The following TTC17 variants were observed in gnomAD, a reference collection of about 807,000 sequenced individuals.
The protein encoded by TTC17 is tetratricopeptide repeat protein 17.
Under a neutral mutation model 143.8 loss-of-function variants are expected in TTC17, and 58 were observed. That is an observed-to-expected ratio of 0.40 (90% confidence interval 0.33 to 0.50). The LOEUF (loss-of-function observed/expected upper bound fraction) is 0.50. TTC17 is among the 20% of genes least tolerant of loss of function. The pLI, the probability that TTC17 is intolerant of heterozygous loss-of-function variation, is 0.49. For missense variants in TTC17, 1,273 were observed against 1,392.5 expected (o/e 0.91, Z 1.37); for synonymous variants, 501 against 497.8 (o/e 1.01, Z -0.09).
In TTC17 at chr11:43,399,938, A is replaced by T; in HGVS notation, c.1109A>T (p.Asp370Val). 5 of 1,614,002 alleles carry T rather than the reference A, an allele frequency of 3.1e-6. No homozygotes were observed. The highest frequency in any genetic ancestry group is 4.2e-6 in the Non-Finnish European group (5 of 1,179,926). The change falls in exon 9 of 24, where the codon GAC becomes GTC. Residue 370 changes from aspartate to valine, a missense_variant. By Grantham distance (152) the Asp-to-Val change is radical (BLOSUM62 -3). Coordinates refer to ENST00000039989, the MANE Select transcript of TTC17 (RefSeq NM_018259.6). ...TTAAAAGAGTATCAAAAGCAGCATG[A>T]CCACTACCTGAGACAGCAGGAAATC... ...NELKEYQKQH[D>V]HYLRQQEILE...
Position 43,397,321 on chromosome 11 carries a change from C to T in TTC17, c.774-26C>T, listed in dbSNP as rs150004257. On this transcript the variant is annotated intron_variant, in intron 6 of 23. Coordinates refer to ENST00000039989, the MANE Select transcript of TTC17 (RefSeq NM_018259.6). ...TCCTTGTCAAGTGGTTCTACATAAT[C>T]ATGGAATATGTGCTGCTTTCCTTAG... The T allele has an allele frequency of 2.0e-4, 314 of 1,589,804 alleles. No individual in the cohort carries two copies. In the East Asian group the frequency reaches 6.9e-3, roughly 35 times the overall value.
At chr11:43,386,535 T>C (rs1258075077) in intron 2 of TTC17, among the ~76,000 whole-genome samples, 1 of 152,210 alleles carries the variant, frequency 6.6e-6, no homozygotes, top group African/African-American at 2.4e-5. Context: ...CTGTAGTTGA[T>C]TGATGTAATT....
rs199545150 is a variant in TTC17 at position 43,378,999 on chromosome 11, T to C, written c.160-234T>C. 2.4e-4 allele frequency: 114 copies of C among 472,254 alleles called. 1 individual carries two copies. The East Asian group carries it at 4.8e-3, about 20-fold the overall frequency. 29.3% of individuals were successfully genotyped at this position (472,254 alleles called of 1,614,324 possible). On this transcript the variant is annotated intron_variant, in intron 1 of 23. Coordinates refer to ENST00000039989, the MANE Select transcript of TTC17 (RefSeq NM_018259.6). Reference sequence around the variant, plus strand: ...TTATATCACCTGTAAAGTCAGAATATGTACTTTGAATGCTTGTTCTTCCAA... The same window carrying C: ...TTATATCACCTGTAAAGTCAGAATACGTACTTTGAATGCTTGTTCTTCCAA...
chr11:43,369,640 A>G (rs1347542605), intron 1 of TTC17, among the ~76,000 whole-genome samples: 1 of 150,004 alleles, frequency 6.7e-6, no homozygotes, highest in Non-Finnish European at 1.5e-5. Flanking sequence ...TTTTTGAAAC[A>G]GAGTCTTGCT....
chr11:43,362,850 A>C (rs1049664286), intron 1 of TTC17, among the ~76,000 whole-genome samples: 4 of 152,142 alleles, frequency 2.6e-5, no homozygotes, highest in Non-Finnish European at 4.4e-5. Context: ...TGAATTCCCA[A>C]ATATGGTCCA....
chr11:43,466,100 T>C (rs1359859309), intron 21 of TTC17, among the ~76,000 whole-genome samples: 1 of 152,074 alleles, frequency 6.6e-6, no homozygotes, highest in Admixed American at 6.5e-5. Flanking sequence ...AATAACCCAA[T>C]TAAAAAATAT....
intron 13 of TTC17, 115 bp downstream of exon 13, chr11:43,406,066 T>C: frequency 8.1e-7 from 1 of 1,241,076 alleles, no homozygotes; most frequent in East Asian, 2.5e-5. Context: ...GTGTATAAAA[T>C]GGAAGGATAG....
At chr11:43,492,264 G>T in intron 23 of TTC17, 101 bp downstream of exon 23, 1 of 1,441,462 alleles carries the variant, frequency 6.9e-7, no homozygotes, top group South Asian at 1.5e-5. Flanking sequence ...CCAATTTCCT[G>T]TAAGCTTGTC....
At chr11:43,426,714 C>A (rs1385323011) in intron 16 of TTC17, among the ~76,000 whole-genome samples, 1 of 152,154 alleles carries the variant, frequency 6.6e-6, no homozygotes, top group African/African-American at 2.4e-5. Flanking sequence ...AAATCTTGAT[C>A]AATTATGGAA....
chr11:43,453,695 T>G lies in TTC17; in HGVS notation c.3030+2430T>G, dbSNP rs191721826. Among the ~76,000 whole-genome samples the G allele has an allele frequency of 2.4e-3, 366 of 152,286 alleles. 2 individuals carry two copies. The highest frequency in any genetic ancestry group is 6.8e-3 in the Middle Eastern group (2 of 294). On this transcript the variant is annotated intron_variant, in intron 21 of 23. Coordinates refer to ENST00000039989, the MANE Select transcript of TTC17 (RefSeq NM_018259.6). ...ATATATTTGTCTATAGAGCCAAGAC[T>G]GAATAATGGCTCTAAGAGAGGCAAG...
At chr11:43,468,464 A>G (rs1948024417) in intron 21 of TTC17, 1 of 152,196 alleles carries the variant, frequency 6.6e-6, no homozygotes, top group Non-Finnish European at 1.5e-5. Flanking sequence ...AAAAACCCAT[A>G]CCTCACATCA....
chr11:43,406,369 G>T (rs575041438), intron 13 of TTC17, among the ~76,000 whole-genome samples: 7 of 152,168 alleles, frequency 4.6e-5, no homozygotes, highest in African/African-American at 1.4e-4. Flanking sequence ...CTTATATGAG[G>T]TCCATAGGAA....
intron 13 of TTC17, 57 bp downstream of exon 13, chr11:43,406,008 C>T: frequency 1.9e-6 from 3 of 1,542,946 alleles, no homozygotes; most frequent in Admixed American, 2.2e-5. Flanking sequence ...CTTCAGAAGC[C>T]TCTTAAATGG....
chr11:43,371,856 A>G (rs1287222001), intron 1 of TTC17, among the ~76,000 whole-genome samples: 1 of 152,214 alleles, frequency 6.6e-6, no homozygotes, highest in Non-Finnish European at 1.5e-5. Flanking sequence ...GGAAGACCAA[A>G]TATATATTTT....
At chr11:43,390,563 CCAAGA>C (rs1857341240) in intron 3 of TTC17, among the ~76,000 whole-genome samples, 1 of 141,202 alleles carries the variant, frequency 7.1e-6, no homozygotes, top group Non-Finnish European at 1.6e-5. Context: ...TTGCAGTGAG[CCAAGA>C]TGGCACCACT....
Position 43,393,230 on chromosome 11 carries a change from G to A in TTC17, c.663+1278G>A, listed in dbSNP as rs550698186. ...AGGACTCAGTCCCACAAGGCTACCT[G>A]CACTTCAGATGCCAGTCGCAAGTCA... On this transcript the variant is annotated intron_variant, in intron 5 of 23. Coordinates refer to ENST00000039989, the MANE Select transcript of TTC17 (RefSeq NM_018259.6). 4.7e-4 allele frequency among the ~76,000 whole-genome samples: 72 copies of A among 152,274 alleles called. 2 individuals carry two copies. In the South Asian group the frequency reaches 6.4e-3, roughly 14 times the overall value.
intron 21 of TTC17, among the ~76,000 whole-genome samples, chr11:43,454,492 A>G (rs201842084): frequency 1.3e-5 from 2 of 152,152 alleles, no homozygotes; most frequent in Admixed American, 1.3e-4. Flanking sequence ...AATTATATCC[A>G]TAATTGCAAA....
At chr11:43,469,402 A>T (rs1256314259) in intron 21 of TTC17, among the ~76,000 whole-genome samples, 1 of 152,186 alleles carries the variant, frequency 6.6e-6, no homozygotes, top group Non-Finnish European at 1.5e-5. Flanking sequence ...TGACCACAAA[A>T]TACTTGGAAA....
At chr11:43,434,834 TAGTGTAAA>T (rs1190724361) in intron 16 of TTC17, among the ~76,000 whole-genome samples, 1 of 152,222 alleles carries the variant, frequency 6.6e-6, no homozygotes, top group Non-Finnish European at 1.5e-5. Flanking sequence ...CAATGTATAA[TAGTGTAAA>T]AGTGGAAAAT....
Sources: gnomAD v4.1 joint callset for allele counts (sites outside exome capture counted in the v4.1 genomes callset) on GRCh38, gnomAD v4.1.1 for gene constraint, MANE v1.5 for transcripts, NCBI Gene and HGNC (gene_info 2026-07-23, HGNC 2026-07-21) for gene names.